The following UGT1A3 variants were observed in gnomAD, a reference collection of about 807,000 sequenced individuals.
UGT1A3 encodes UDP glucuronosyltransferase family 1 member A3, also known as UDP-glucuronosyltransferase 1A3.
In UGT1A3, 31 loss-of-function variants were observed where a neutral mutation model predicts 41.0. The observed-to-expected ratio is 0.76, with a 90% confidence interval of 0.57 to 1.02. The LOEUF is 1.02. Among genes scored for constraint, UGT1A3 ranks in the 50% least tolerant of loss-of-function variants. The probability of loss-of-function intolerance (pLI) is 0.00; values close to 1 mark genes in which losing one functional copy is unlikely to be tolerated. For synonymous variants in UGT1A3, 262 were observed against 257.6 expected (o/e 1.02, Z -0.17); for missense variants, 737 against 671.0 (o/e 1.10, Z -1.09).
At chr2:233,743,602 G>T in intron 1 of UGT1A3, 1 of 1,367,274 alleles carries the variant, frequency 7.3e-7, no homozygotes, top group Non-Finnish European at 9.8e-7. Context: ...GGTCCTGGCC[G>T]CCGAAGAACT....
chr2:233,768,652 T>C (rs1699688984), intron 4 of UGT1A3, among the ~76,000 whole-genome samples: 1 of 146,762 alleles, frequency 6.8e-6, no homozygotes, highest in Non-Finnish European at 1.5e-5. Flanking sequence ...AGTGGTGCAA[T>C]CTTGGCTTAC....
chr2:233,745,345 T>C (rs1184068068), intron 1 of UGT1A3, among the ~76,000 whole-genome samples: 1 of 151,834 alleles, frequency 6.6e-6, no homozygotes, highest in Non-Finnish European at 1.5e-5. Flanking sequence ...ACCATGAATT[T>C]TGGGGGAATT....
intron 1 of UGT1A3, chr2:233,740,859 A>C (rs1179342634): frequency 6.6e-6 from 1 of 151,860 alleles, no homozygotes; most frequent in Non-Finnish European, 1.5e-5. Context: ...AATTCTAAAA[A>C]TTCTTTAAAT....
rs112085732 is a variant in UGT1A3 at position 233,747,405 on chromosome 2, G to T, written c.867+17412G>T. The T allele has an allele frequency of 4.4e-6, 7 of 1,607,054 alleles. No homozygotes were observed. In the African/African-American group the frequency reaches 6.7e-5, roughly 15 times the overall value. ...CCAGGCGGTGGTCCTCACCCCAGAG[G>T]TGAATATGCACATCAAACAAGAGAA... On this transcript the variant is annotated intron_variant, in intron 1 of 4. Coordinates refer to ENST00000482026, the MANE Select transcript of UGT1A3 (RefSeq NM_019093.4).
intron 1 of UGT1A3, chr2:233,743,509 G>T: frequency 7.3e-7 from 1 of 1,367,170 alleles, no homozygotes; most frequent in Non-Finnish European, 9.8e-7. Context: ...GGGTGCAGAC[G>T]CTCTGCTTCT....
chr2:233,772,803 T>C lies in UGT1A3; in HGVS notation c.*244T>C. On this transcript the variant is annotated 3_prime_UTR_variant, in exon 5 of 5. Transcript: ENST00000482026. The stretch of plus-strand genomic sequence containing the variant: ...TTGATCAGGATGACATGTGCCATTT[T>C]TCAGAGGACGTGCAGACAGGCTGGC... 8.8e-7 allele frequency: 1 copy of C among 1,134,554 alleles called. No homozygotes were observed. Among genetic ancestry groups the C allele is most frequent in the Non-Finnish European group, 1.2e-6 (1 of 843,778 alleles). The allele number at this position is 1,134,554 out of a possible 1,614,324, so 70.3% of individuals were successfully genotyped here.
chr2:233,743,240 T>G (rs1692244875), intron 1 of UGT1A3: 1 of 425,178 alleles, frequency 2.4e-6, no homozygotes, highest in South Asian at 1.7e-5. Context: ...TATGAAGGAC[T>G]TTAACTCAAC....
At chr2:233,742,441 G>A (rs1332580930) in intron 1 of UGT1A3, among the ~76,000 whole-genome samples, 1 of 151,942 alleles carries the variant, frequency 6.6e-6, no homozygotes, top group African/African-American at 2.4e-5. Flanking sequence ...CCCTGGGTGG[G>A]CCAGGTGTTC....
At chr2:233,771,280 CCTTTT>C (rs1700275539) in intron 4 of UGT1A3, 2 of 152,190 alleles carry the variant, frequency 1.3e-5, no homozygotes, top group Non-Finnish European at 1.5e-5. Flanking sequence ...CTTTCTTCTC[CCTTTT>C]CTTTTCTACT....
At chr2:233,743,105 G>C (rs1692204465) in intron 1 of UGT1A3, 2 of 354,440 alleles carry the variant, frequency 5.6e-6, no homozygotes, top group East Asian at 7.4e-5. Context: ...GGGTACAGCT[G>C]TTCTGAAAGT....
At chr2:233,736,293 T>C (rs1349532860) in intron 1 of UGT1A3, among the ~76,000 whole-genome samples, 2 of 152,248 alleles carry the variant, frequency 1.3e-5, no homozygotes, top group Admixed American at 1.3e-4. Flanking sequence ...TTCTTCCAGT[T>C]GCTCTAATCA....
chr2:233,746,849 C>A (rs1171057380), intron 1 of UGT1A3, among the ~76,000 whole-genome samples: 1 of 151,698 alleles, frequency 6.6e-6, no homozygotes, highest in African/African-American at 2.4e-5. Flanking sequence ...CCTCTCAGAC[C>A]TCAGCTGCAG....
intron 1 of UGT1A3, among the ~76,000 whole-genome samples, chr2:233,746,609 G>T (rs1693438310): frequency 6.6e-6 from 1 of 151,680 alleles, no homozygotes; most frequent in Admixed American, 6.5e-5. Flanking sequence ...CTGTTCACCT[G>T]ACCCCTCCTT....
chr2:233,757,384 T>TA (rs1696511783), intron 1 of UGT1A3, among the ~76,000 whole-genome samples: 1 of 151,252 alleles, frequency 6.6e-6, no homozygotes. Context: ...ATTCAGCACT[T>TA]ACTTGCTGGC....
intron 1 of UGT1A3, among the ~76,000 whole-genome samples, chr2:233,744,910 G>A (rs1048974476): frequency 2.6e-5 from 4 of 151,812 alleles, no homozygotes; most frequent in Non-Finnish European, 5.9e-5. Context: ...AAATCTAGAT[G>A]CTCAAGCTCC....
intron 1 of UGT1A3, among the ~76,000 whole-genome samples, chr2:233,733,322 C>A (rs1174900134): frequency 6.6e-6 from 1 of 152,146 alleles, no homozygotes; most frequent in African/African-American, 2.4e-5. Context: ...CCTGATTGCC[C>A]TGGCCAGAAC....
chr2:233,743,699 G>A (rs780880081), intron 1 of UGT1A3: 5 of 1,367,152 alleles, frequency 3.7e-6, no homozygotes, highest in African/African-American at 3.0e-5. Context: ...GCCGCCCTCC[G>A]CCCCCGCCTC....
chr2:233,772,501 G>A lies in UGT1A3; in HGVS notation c.1547G>A (p.Arg516Gln), dbSNP rs778667717. Residue 516 changes from arginine (R) to glutamine (Q), a missense_variant, in exon 5 of 5, where the codon CGG (arginine) becomes CAG (glutamine). Transcript: ENST00000482026. Reference protein sequence around the residue: ...ITFKCCAYGYRKCLGKKGRVK... With the variant: ...ITFKCCAYGYQKCLGKKGRVK... Reference sequence around the variant, plus strand: ...TTTAAATGTTGTGCTTATGGCTACCGGAAATGCTTGGGGAAAAAAGGGCGA... The same window carrying A: ...TTTAAATGTTGTGCTTATGGCTACCAGAAATGCTTGGGGAAAAAAGGGCGA... The A allele has an allele frequency of 1.8e-5, 29 of 1,614,036 alleles. No homozygotes were observed. The highest frequency in any genetic ancestry group is 5.5e-5 in the South Asian group (5 of 91,088).
chr2:233,734,316 G>A (rs901431667), intron 1 of UGT1A3, among the ~76,000 whole-genome samples: 3 of 152,136 alleles, frequency 2.0e-5, no homozygotes, highest in Admixed American at 6.5e-5. Context: ...TTGTGTAGAC[G>A]TATTTATAGT....
Sources: gnomAD v4.1 joint callset for allele counts (sites outside exome capture counted in the v4.1 genomes callset) on GRCh38, gnomAD v4.1.1 for gene constraint, MANE v1.5 for transcripts, NCBI Gene and HGNC (gene_info 2026-07-23, HGNC 2026-07-21) for gene names.